Variants in FOXP4 observed in about 807,000 individuals in gnomAD.
FOXP4 encodes forkhead box protein P4.
Under a neutral mutation model 82.6 loss-of-function variants are expected in FOXP4, and 25 were observed. The ratio of observed to expected loss-of-function variants is 0.30; its 90% CI spans 0.22 to 0.42. The LOEUF (loss-of-function observed/expected upper bound fraction) is 0.42, where lower values mean the gene tolerates loss of function less well. Among genes scored for constraint, FOXP4 ranks in the 10% least tolerant of loss-of-function variants. The pLI, the probability that FOXP4 is intolerant of heterozygous loss-of-function variation, is 1.00. For synonymous variants in FOXP4, 415 were observed against 388.2 expected (o/e 1.07, Z -0.81); for missense variants, 785 against 900.9 (o/e 0.87, Z 1.65).
At chr6:41,598,033 G>GGA in intron 16 of FOXP4, 83 bp downstream of exon 16, 4 of 1,226,280 alleles carry the variant, frequency 3.3e-6, no homozygotes, top group Non-Finnish European at 4.4e-6. Flanking sequence ...CCTGGGTGGG[G>GGA]TTCCCCATCC....
At position 41,558,569 on chromosome 6, in the gene FOXP4, T is replaced by A. The variant is rs1245149616; in HGVS notation, c.-16-7176T>A. 6.6e-6 allele frequency among the ~76,000 whole-genome samples: 1 copy of A among 152,248 alleles called. No individual in the cohort carries two copies. Among genetic ancestry groups the A allele is most frequent in the Non-Finnish European group, 1.5e-5 (1 of 68,038 alleles). On this transcript the variant is annotated intron_variant, in intron 1 of 16. Coordinates refer to ENST00000307972, the MANE Select transcript of FOXP4 (RefSeq NM_001012426.2). This position sits in a 1 kb window ranked among gnomAD's most constrained non-coding sequence, Gnocchi z 4.0. ...CAGATAAGGAAACCAGGGCTCAGACTGGTGACCTCATTCCTCAATGTCACA... is the reference window on the plus strand; with the variant it reads ...CAGATAAGGAAACCAGGGCTCAGACAGGTGACCTCATTCCTCAATGTCACA...
At position 41,578,232 on chromosome 6, in the gene FOXP4, G is replaced by A. The variant is rs939283532; in HGVS notation, c.300+151G>A. On this transcript the variant is annotated intron_variant, in intron 3 of 16. Coordinates refer to ENST00000307972, the MANE Select transcript of FOXP4 (RefSeq NM_001012426.2). ...CAAAGGAAATACAGTCACTGCAGGG[G>A]TGGGGCAAAAAGGCTTCCCACTTTC... is the stretch of plus-strand genomic sequence containing the variant. The A allele has an allele frequency of 7.7e-6, 5 of 649,504 alleles. No homozygotes were observed. The African/African-American group carries it at 9.1e-5, about 12-fold the overall frequency. The allele number at this position is 649,504 out of a possible 1,614,324, so 40.2% of individuals were successfully genotyped here.
rs539361004 is a variant in FOXP4 at position 41,593,095 on chromosome 6, T to C, written c.1536+1773T>C. 5.7e-4 allele frequency among the ~76,000 whole-genome samples: 87 copies of C among 152,300 alleles called. No homozygotes were observed. The highest frequency in any genetic ancestry group is 7.5e-4 in the Non-Finnish European group (51 of 68,020). On this transcript the variant is annotated intron_variant, in intron 13 of 16. Coordinates refer to ENST00000307972, the MANE Select transcript of FOXP4 (RefSeq NM_001012426.2). This position sits in a 1 kb window ranked among gnomAD's most constrained non-coding sequence, Gnocchi z 4.1. ...ATCCAGCTTGAGGTCCACTTTGACC[T>C]TCTGGTTTTTTTCAGCCAAATGCAT...
Position 41,599,380 on chromosome 6 carries a change from A to C in FOXP4, c.*444A>C. The C allele has an allele frequency of 6.3e-6, 1 of 158,376 alleles. No homozygotes were observed. 9.8% of individuals were successfully genotyped at this position (158,376 alleles called of 1,614,324 possible). ...CTGGCCAGAGGCCCCCACTTTCCTAACTCGTGCTCCCTTCCGCCTTCTTTT... is the reference window on the plus strand; with the variant it reads ...CTGGCCAGAGGCCCCCACTTTCCTACCTCGTGCTCCCTTCCGCCTTCTTTT... On this transcript the variant is annotated 3_prime_UTR_variant, in exon 17 of 17. Coordinates refer to ENST00000307972, the MANE Select transcript of FOXP4 (RefSeq NM_001012426.2).
chr6:41,554,022 T>C (rs1024824487), intron 1 of FOXP4, among the ~76,000 whole-genome samples: 1 of 151,582 alleles, frequency 6.6e-6, no homozygotes, highest in African/African-American at 2.4e-5. Flanking sequence ...TTGTGGCAGG[T>C]AGAGCTAGGT....
intron 2 of FOXP4, among the ~76,000 whole-genome samples, chr6:41,567,363 C>T (rs1764941223): frequency 6.6e-6 from 1 of 152,250 alleles, no homozygotes; most frequent in Non-Finnish European, 1.5e-5. Flanking sequence ...GGGCCTGACT[C>T]CCTTCCCTAG....
Position 41,546,568 on chromosome 6 carries a change from A to C in FOXP4, c.-316A>C, listed in dbSNP as rs1763626792. On this transcript the variant is annotated 5_prime_UTR_variant, in exon 1 of 17. Transcript: ENST00000307972. Reference sequence around the variant, plus strand: ...AACCAGGGCTGGGCCGGGGGCGGGGACGCCGGGGTCCGGGAGCCCGGGAGC... The same window carrying C: ...AACCAGGGCTGGGCCGGGGGCGGGGCCGCCGGGGTCCGGGAGCCCGGGAGC... 6.8e-6 allele frequency: 1 copy of C among 147,544 alleles called. No individual in the cohort carries two copies. The highest frequency in any genetic ancestry group is 2.5e-5 in the African/African-American group (1 of 40,600). The allele number at this position is 147,544 out of a possible 1,614,324, so 9.1% of individuals were successfully genotyped here.
In FOXP4 at chr6:41,546,562, G is replaced by C. The variant is rs1006042534; in HGVS notation, c.-322G>C. The C allele has an allele frequency of 6.7e-6, 1 of 148,462 alleles. No homozygotes were observed. Among genetic ancestry groups the C allele is most frequent in the African/African-American group, 2.4e-5 (1 of 40,994 alleles). 9.2% of individuals were successfully genotyped at this position (148,462 alleles called of 1,614,324 possible). ...GGCCGGAACCAGGGCTGGGCCGGGG[G>C]CGGGGACGCCGGGGTCCGGGAGCCC... On this transcript the variant is annotated 5_prime_UTR_variant, in exon 1 of 17. Coordinates refer to ENST00000307972, the MANE Select transcript of FOXP4 (RefSeq NM_001012426.2).
rs1259584865 is a variant in FOXP4, at chr6:41,593,129, C to T, written c.1537-1741C>T. On this transcript the variant is annotated intron_variant, in intron 13 of 16. Coordinates refer to ENST00000307972, the MANE Select transcript of FOXP4 (RefSeq NM_001012426.2). The surrounding 1 kb of genome is among the most constrained non-coding windows in gnomAD (Gnocchi z 4.1). ...TTTTCAGCCAAATGCATTCATGTTA[C>T]TTGGGAAATACACCATCTACACCCA... Among the ~76,000 whole-genome samples the T allele has an allele frequency of 1.3e-5, 2 of 152,028 alleles. No individual in the cohort carries two copies. The highest frequency in any genetic ancestry group is 1.3e-4 in the Admixed American group (2 of 15,258).
At chr6:41,566,226 G>A (rs58729883) in intron 2 of FOXP4, among the ~76,000 whole-genome samples, 2,931 of 152,294 alleles carry the variant, frequency 0.019, 90 homozygotes, top group African/African-American at 0.065. Flanking sequence ...TCCCAGAAAT[G>A]CCAATAAGAA....
chr6:41,587,663 G>C, intron 7 of FOXP4, 130 bp from the exon 8 acceptor site: 2 of 900,544 alleles, frequency 2.2e-6, no homozygotes, highest in Non-Finnish European at 3.4e-6. Flanking sequence ...GTGTACAGAT[G>C]GTGCTTGGCC....
At chr6:41,561,499 G>T (rs190684511) in intron 1 of FOXP4, among the ~76,000 whole-genome samples, 3 of 152,302 alleles carry the variant, frequency 2.0e-5, no homozygotes, top group East Asian at 1.9e-4. Flanking sequence ...AAACCAGATG[G>T]TCTAATTCTC....
At chr6:41,569,988 C>A (rs962442819) in intron 2 of FOXP4, among the ~76,000 whole-genome samples, 7 of 151,796 alleles carry the variant, frequency 4.6e-5, no homozygotes, top group East Asian at 1.9e-4. Context: ...TTTCCTCCCC[C>A]ATCTGGGCCT....
chr6:41,566,370 G>T (rs901734178), intron 2 of FOXP4, among the ~76,000 whole-genome samples: 1 of 152,194 alleles, frequency 6.6e-6, no homozygotes, highest in African/African-American at 2.4e-5. Flanking sequence ...CACACAGGGG[G>T]ATCTTCACAT....
rs779715276 is a variant in FOXP4 at position 41,565,807 on chromosome 6, G to T, written c.47G>T (p.Gly16Val). ...ASETIRSAPS[G>V]QNGVGSLSGQ... ...GAGACAATCAGGTCGGCTCCATCTG[G>T]TCAGAATGGCGTGGGCAGCCTCTCT... The change falls in exon 2 of 17, where the codon GGT becomes GTT. Residue 16 changes from glycine (G) to valine (V), a missense_variant. By Grantham distance (109) the Gly-to-Val change is moderately radical. Around this residue, in one of 3 missense-constraint regions of FOXP4, gnomAD observed 570 missense variants for 634.0 expected, o/e 0.90. Coordinates refer to ENST00000307972, the MANE Select transcript of FOXP4 (RefSeq NM_001012426.2). 6.2e-7 allele frequency: 1 copy of T among 1,613,544 alleles called. No individual in the cohort carries two copies. The highest frequency in any genetic ancestry group is 1.3e-5 in the African/African-American group (1 of 74,934).
rs1312370773 is a variant in FOXP4 at position 41,593,309 on chromosome 6, G to T, written c.1537-1561G>T. On this transcript the variant is annotated intron_variant, in intron 13 of 16. Transcript: ENST00000307972. This position sits in a 1 kb window ranked among gnomAD's most constrained non-coding sequence, Gnocchi z 4.1. ...CTTTCCACCTCAGACCAGGGCAGAA[G>T]GGTTGGGAGCGGGCATGGTGTGGGC... is the stretch of plus-strand genomic sequence containing the variant. Among the ~76,000 whole-genome samples the T allele has an allele frequency of 6.6e-6, 1 of 152,174 alleles. No homozygotes were observed. Among genetic ancestry groups the T allele is most frequent in the Non-Finnish European group, 1.5e-5 (1 of 68,028 alleles).
chr6:41,594,862 A>AC lies in FOXP4; in HGVS notation c.1537-5dup. On this transcript the variant is annotated splice_polypyrimidine_tract_variant and splice_region_variant and intron_variant, in intron 13 of 16. Coordinates refer to ENST00000307972, the MANE Select transcript of FOXP4 (RefSeq NM_001012426.2). Reference sequence around the variant, plus strand: ...CCGCCTCTGAGCTCCTCTTCACTGCACCCACAGAACGCCGTGCGCCACAAC... The same window carrying AC: ...CCGCCTCTGAGCTCCTCTTCACTGCACCCCACAGAACGCCGTGCGCCACAAC... 6.2e-7 allele frequency: 1 copy of AC among 1,613,890 alleles called. No individual in the cohort carries two copies. Among genetic ancestry groups the AC allele is most frequent in the Non-Finnish European group, 8.5e-7 (1 of 1,180,022 alleles).
At chr6:41,587,534 G>C in intron 7 of FOXP4, 22 bp downstream of exon 7, 1 of 1,513,114 alleles carries the variant, frequency 6.6e-7, no homozygotes, top group Non-Finnish European at 8.9e-7. Flanking sequence ...CAGGCTGGGA[G>C]GGGCATCAAA....
chr6:41,587,724 C>T, intron 7 of FOXP4, 69 bp from the exon 8 acceptor site: 2 of 1,102,244 alleles, frequency 1.8e-6, no homozygotes, highest in East Asian at 2.6e-5. Context: ...GGAGCTGGTG[C>T]TCAGCTGACT....
Sources: gnomAD v4.1 joint callset for allele counts (sites outside exome capture counted in the v4.1 genomes callset) on GRCh38, gnomAD v4.1.1 for gene constraint, gnomAD v4.1.1 regional missense constraint, Gnocchi (gnomAD v3.1) non-coding constraint, MANE v1.5 for transcripts, NCBI Gene and HGNC (gene_info 2026-07-23, HGNC 2026-07-21) for gene names.